STARD13: variants seen among roughly 807,000 people sequenced by gnomAD.
STARD13 encodes the protein StAR related lipid transfer domain containing 13, also known as stAR-related lipid transfer protein 13.
STARD13 carries 62 observed loss-of-function variants against 106.4 expected under a neutral mutation model. That is an observed-to-expected ratio of 0.58 (90% CI 0.48 to 0.72). STARD13 has a LOEUF of 0.72. Among genes scored for constraint, STARD13 ranks in the 30% least tolerant of loss-of-function variants. The pLI, the probability that STARD13 is intolerant of heterozygous loss-of-function variation, is 0.00. For synonymous variants in STARD13, 565 were observed against 553.0 expected, an observed-to-expected ratio of 1.02 and a Z score of -0.31; for missense variants, 1,387 against 1,424.0, an observed-to-expected ratio of 0.97 and a Z score of 0.42.
chr13:33,669,876 A>G, the STARD13 span, among the ~76,000 whole-genome samples: 1 of 152,158 alleles, frequency 6.6e-6, no homozygotes, highest in South Asian at 2.1e-4. Flanking sequence ...ATGTCCCTTA[A>G]GAGCCCTATC....
rs774391225 is a variant in STARD13 at position 33,129,172 on chromosome 13, T to C, written c.1505A>G (p.Asp502Gly). The C allele has an allele frequency of 9.3e-6, 15 of 1,614,164 alleles. No homozygotes were observed. Among genetic ancestry groups the C allele is most frequent in the Non-Finnish European group, 1.2e-5 (14 of 1,180,020 alleles). ...TTCAGGCAAGACATCTTTGGACCAGTCATCGACTACCTCTTGGAGCCCATT... is the reference window on the plus strand; with the variant it reads ...TTCAGGCAAGACATCTTTGGACCAGCCATCGACTACCTCTTGGAGCCCATT... The part of the protein sequence containing the change: ...HVNGLQEVVD[D>G]WSKDVLPELQ... Residue 502 changes from aspartate (D) to glycine (G), a missense_variant, in exon 5 of 14, where the codon GAC becomes GGC. Asp to Gly is a moderately conservative substitution (Grantham distance 94). Transcript: ENST00000336934.
intron 1 of STARD13, among the ~76,000 whole-genome samples, chr13:33,201,213 G>A (rs1887015768): frequency 6.6e-6 from 1 of 152,070 alleles, no homozygotes; most frequent in Non-Finnish European, 1.5e-5. Context: ...TTCAGCGGGT[G>A]GCATTATTAG....
chr13:33,553,549 A>G, the STARD13 span, among the ~76,000 whole-genome samples: 2,203 of 151,780 alleles, frequency 0.015, 47 homozygotes, highest in African/African-American at 0.049. Flanking sequence ...TAGAATTTTT[A>G]AATATTTATA....
the STARD13 span, among the ~76,000 whole-genome samples, chr13:33,573,366 T>A: frequency 6.6e-6 from 1 of 152,200 alleles, no homozygotes; most frequent in Non-Finnish European, 1.5e-5. Flanking sequence ...TATTTAAAGA[T>A]CTTAAAAGTA....
chr13:33,211,179 T>C (rs536320980), intron 1 of STARD13, among the ~76,000 whole-genome samples: 106 of 151,030 alleles, frequency 7.0e-4, no homozygotes, highest in Non-Finnish European at 1.4e-3. Flanking sequence ...CTTTAATATA[T>C]TATTTTAAAA....
At chr13:33,147,244 C>G (rs1335041024) in intron 3 of STARD13, among the ~76,000 whole-genome samples, 1 of 152,012 alleles carries the variant, frequency 6.6e-6, no homozygotes, top group Non-Finnish European at 1.5e-5. Flanking sequence ...AGAAAAGTTC[C>G]AATGTATTCC....
chr13:33,226,665 T>G (rs1480778774), intron 1 of STARD13, among the ~76,000 whole-genome samples: 1 of 152,020 alleles, frequency 6.6e-6, no homozygotes, highest in Non-Finnish European at 1.5e-5. Flanking sequence ...GAACTCCTGA[T>G]CTCAGGTGAT....
intron 1 of STARD13, among the ~76,000 whole-genome samples, chr13:33,312,359 A>G (rs1020871786): frequency 6.6e-6 from 1 of 152,120 alleles, no homozygotes; most frequent in Admixed American, 6.6e-5. Flanking sequence ...ATAGTCTTTC[A>G]AGTTGAAATT....
intron 5 of STARD13, 91 bp downstream of exon 5, chr13:33,128,838 A>C (rs918686221): frequency 7.6e-7 from 1 of 1,316,894 alleles, no homozygotes; most frequent in African/African-American, 1.5e-5. Context: ...GGCATTTAGT[A>C]AGTACTCTGT....
chr13:33,378,654 G>C, the STARD13 span, among the ~76,000 whole-genome samples: 3 of 151,990 alleles, frequency 2.0e-5, no homozygotes, highest in African/African-American at 7.2e-5. Context: ...GCCGAGTGTG[G>C]TGGCGGGCGC....
chr13:33,561,594 T>TCCTG, the STARD13 span, among the ~76,000 whole-genome samples: 4 of 120,654 alleles, frequency 3.3e-5, no homozygotes, highest in South Asian at 5.1e-4. Flanking sequence ...TGAAATTCTT[T>TCCTG]ACTGCCTCTG....
At chr13:33,233,914 T>A (rs1889054900) in intron 1 of STARD13, among the ~76,000 whole-genome samples, 1 of 152,158 alleles carries the variant, frequency 6.6e-6, no homozygotes, top group African/African-American at 2.4e-5. Context: ...GCTCACGTGC[T>A]CCCTCCTGCA....
At chr13:33,362,519 A>T in the STARD13 span, among the ~76,000 whole-genome samples, 1 of 152,192 alleles carries the variant, frequency 6.6e-6, no homozygotes, top group South Asian at 2.1e-4. Flanking sequence ...GATTTAATGG[A>T]TTTTATTGAT....
chr13:33,427,236 A>G, the STARD13 span, among the ~76,000 whole-genome samples: 1 of 152,218 alleles, frequency 6.6e-6, no homozygotes, highest in Non-Finnish European at 1.5e-5. Context: ...TCACAAGGCT[A>G]GTTAAGTGAC....
chr13:33,432,215 C>G, the STARD13 span, among the ~76,000 whole-genome samples: 2 of 152,136 alleles, frequency 1.3e-5, no homozygotes, highest in South Asian at 4.2e-4. Context: ...CAGTCACTCG[C>G]GAGCTTTTCT....
chr13:33,499,612 T>TCCTC, the STARD13 span, among the ~76,000 whole-genome samples: 26 of 79,182 alleles, frequency 3.3e-4, no homozygotes, highest in Non-Finnish European at 5.8e-4. Context: ...TCTTTCTTCT[T>TCCTC]CTTCTTCTTC....
At chr13:33,645,041 G>A in the STARD13 span, among the ~76,000 whole-genome samples, 1 of 152,138 alleles carries the variant, frequency 6.6e-6, no homozygotes, top group African/African-American at 2.4e-5. Context: ...TTCCAAAGAT[G>A]GAAGCAGGAG....
chr13:33,285,298 C>A (rs182195041), intron 1 of STARD13, among the ~76,000 whole-genome samples, 172 bp downstream of exon 1: 1 of 152,216 alleles, frequency 6.6e-6, no homozygotes, highest in East Asian at 1.9e-4. Flanking sequence ...TAAGGACTGT[C>A]CTGTTTGCTG....
At chr13:33,108,133 C>A (rs1039452946) in intron 12 of STARD13, among the ~76,000 whole-genome samples, 1 of 152,152 alleles carries the variant, frequency 6.6e-6, no homozygotes, top group Non-Finnish European at 1.5e-5. Flanking sequence ...CAACTCTCAG[C>A]GGAAGCTCCC....
Sources: gnomAD v4.1 joint callset for allele counts (sites outside exome capture counted in the v4.1 genomes callset) on GRCh38, gnomAD v4.1.1 for gene constraint, MANE v1.5 for transcripts, NCBI Gene and HGNC (gene_info 2026-07-23, HGNC 2026-07-21) for gene names.